Variants in JPH2 observed in about 807,000 individuals in gnomAD.
JPH2 encodes junctophilin-2.
Under a neutral mutation model 55.9 loss-of-function variants are expected in JPH2, and 38 were observed. The ratio of observed to expected loss-of-function variants is 0.68; its 90% CI spans 0.52 to 0.89. JPH2 has a LOEUF of 0.89. JPH2 is among the 40% of genes least tolerant of loss of function. The pLI is 0.00. For synonymous variants in JPH2, 480 were observed against 472.4 expected, an observed-to-expected ratio of 1.02 and a Z score of -0.21; for missense variants, 964 against 1,037.6, an observed-to-expected ratio of 0.93 and a Z score of 0.97.
chr20:44,146,301 G>A (rs1198969218), intron 2 of JPH2, among the ~76,000 whole-genome samples: 6 of 152,060 alleles, frequency 3.9e-5, no homozygotes, highest in Admixed American at 2.0e-4. Context: ...CCAGAGTACT[G>A]GGATTCCAGG....
intron 2 of JPH2, among the ~76,000 whole-genome samples, chr20:44,128,846 C>A (rs1024670839): frequency 6.6e-6 from 1 of 152,106 alleles, no homozygotes; most frequent in African/African-American, 2.4e-5. Context: ...GTCACAGTAC[C>A]CGGTTAACAT....
At chr20:44,184,793 C>T (rs1340640753) in intron 1 of JPH2, among the ~76,000 whole-genome samples, 5 of 152,342 alleles carry the variant, frequency 3.3e-5, no homozygotes, top group South Asian at 2.1e-4. Context: ...ACAAACGTAA[C>T]TGTCCTGTCG....
chr20:44,180,580 G>T (rs1284801076), intron 1 of JPH2, among the ~76,000 whole-genome samples: 1 of 152,072 alleles, frequency 6.6e-6, no homozygotes, highest in Admixed American at 6.5e-5. Context: ...CCAGCAATCT[G>T]CCCACCTTGG....
chr20:44,146,135 G>A lies in JPH2; in HGVS notation c.1169+13483C>T, dbSNP rs183014368. Among the ~76,000 whole-genome samples, 64 of 151,424 alleles carry A rather than the reference G, an allele frequency of 4.2e-4. 2 individuals carry two copies. The East Asian group carries it at 0.012, about 29-fold the overall frequency. On this transcript the variant is annotated intron_variant, in intron 2 of 5. Transcript: ENST00000372980. ...TGCAAGCTCCGCCTCCCGGGTTCAC[G>A]CCATTCTCCTGCCTCAGCCTCCCCA...
At chr20:44,168,366 A>G (rs772225453) in intron 1 of JPH2, among the ~76,000 whole-genome samples, 1 of 142,538 alleles carries the variant, frequency 7.0e-6, no homozygotes, top group Non-Finnish European at 1.6e-5. Context: ...TTTACACACA[A>G]AAAAAATATT....
chr20:44,123,698 C>T (rs1029794454), intron 2 of JPH2, among the ~76,000 whole-genome samples: 1 of 152,144 alleles, frequency 6.6e-6, no homozygotes, highest in Non-Finnish European at 1.5e-5. Flanking sequence ...CTTCATCACC[C>T]GGAAGCTCAG....
chr20:44,132,347 G>GACACACACACACACACAC (rs1440487442), intron 2 of JPH2, among the ~76,000 whole-genome samples: 1 of 88,786 alleles, frequency 1.1e-5, no homozygotes, highest in African/African-American at 5.9e-5. Flanking sequence ...AAGGGAGGCA[G>GACACACACACACACACAC]ACAGACAGAC....
At chr20:44,182,566 G>C (rs971904723) in intron 1 of JPH2, among the ~76,000 whole-genome samples, 1 of 152,150 alleles carries the variant, frequency 6.6e-6, no homozygotes, top group African/African-American at 2.4e-5. Context: ...TGGCATTCTT[G>C]CTGTTCTTCA....
At chr20:44,148,393 C>A (rs1226247161) in intron 2 of JPH2, among the ~76,000 whole-genome samples, 4 of 152,140 alleles carry the variant, frequency 2.6e-5, no homozygotes, top group Non-Finnish European at 4.4e-5. Flanking sequence ...GGGTCAGCCC[C>A]CATGTCTCCT....
rs886433749 is a variant in JPH2, at chr20:44,108,205, T to C, written c.*5313A>G. Among the ~76,000 whole-genome samples the C allele has an allele frequency of 6.6e-6, 1 of 152,206 alleles. No homozygotes were observed. The highest frequency in any genetic ancestry group is 1.5e-5 in the Non-Finnish European group (1 of 68,024). On this transcript the variant is annotated 3_prime_UTR_variant, in exon 6 of 6. Coordinates refer to ENST00000372980, the MANE Select transcript of JPH2 (RefSeq NM_020433.5). Reference sequence around the variant, plus strand: ...TTGTCATACTGTTACTTATCAATGCTGGCAAGGTAACAGATACCGAGGACA... The same window carrying C: ...TTGTCATACTGTTACTTATCAATGCCGGCAAGGTAACAGATACCGAGGACA...
Position 44,106,747 on chromosome 20 carries a change from G to A in JPH2, c.*6771C>T, listed in dbSNP as rs543075599. Reference sequence around the variant, plus strand: ...AGTAACTCCTCTTTTTAAAATCATCGATCTCATGAGACTTATTCACTACCA... The same window carrying A: ...AGTAACTCCTCTTTTTAAAATCATCAATCTCATGAGACTTATTCACTACCA... On this transcript the variant is annotated 3_prime_UTR_variant, in exon 6 of 6. Coordinates refer to ENST00000372980, the MANE Select transcript of JPH2 (RefSeq NM_020433.5). 4.6e-5 allele frequency among the ~76,000 whole-genome samples: 7 copies of A among 151,980 alleles called. No homozygotes were observed. In the East Asian group the frequency reaches 9.7e-4, roughly 21 times the overall value.
At chr20:44,134,680 AAATATT>A (rs1488565305) in intron 2 of JPH2, among the ~76,000 whole-genome samples, 7 of 13,208 alleles carry the variant, frequency 5.3e-4, no homozygotes, top group Admixed American at 2.1e-3. Context: ...ATATATTTAT[AAATATT>A]ATAAATATAT....
At chr20:44,144,902 T>G (rs540367353) in intron 2 of JPH2, among the ~76,000 whole-genome samples, 1 of 151,946 alleles carries the variant, frequency 6.6e-6, no homozygotes, top group East Asian at 1.9e-4. Context: ...CACTGCACAT[T>G]TATCAACACC....
Position 44,186,648 on chromosome 20 carries a change from C to T in JPH2, c.58G>A (p.Gly20Arg), listed in dbSNP as rs988100071. The T allele has an allele frequency of 6.2e-7, 1 of 1,608,574 alleles. No individual in the cohort carries two copies. The highest frequency in any genetic ancestry group is 8.5e-7 in the Non-Finnish European group (1 of 1,179,716). ...AGTCCATGCCCATGGGCCTTTCCCC[C>T]CTCCCAGCCCCCGCAGTACGCCCCT... ...DGGAYCGGWE[G>R]GKAHGHGLCT... Residue 20 changes from glycine to arginine, a missense_variant, in exon 1 of 6, where the codon GGG becomes AGG. Coordinates refer to ENST00000372980, the MANE Select transcript of JPH2 (RefSeq NM_020433.5).
intron 1 of JPH2, among the ~76,000 whole-genome samples, chr20:44,173,383 A>G (rs545318524): frequency 1.3e-4 from 20 of 152,224 alleles, no homozygotes; most frequent in African/African-American, 4.8e-4. Context: ...AAACTGCCTC[A>G]GTATAAAAAA....
intron 2 of JPH2, among the ~76,000 whole-genome samples, chr20:44,144,473 AG>A (rs2145866171): frequency 6.6e-6 from 1 of 152,276 alleles, no homozygotes; most frequent in South Asian, 2.1e-4. Flanking sequence ...AGACGAGGAA[AG>A]GGAGGCTTAG....
At position 44,115,906 on chromosome 20, in the gene JPH2, G is replaced by C. The variant is rs1327928086; in HGVS notation, c.1769C>G (p.Ser590Cys). 1 of 1,574,450 alleles carries C rather than the reference G, an allele frequency of 6.4e-7. No homozygotes were observed. Among genetic ancestry groups the C allele is most frequent in the Non-Finnish European group, 8.6e-7 (1 of 1,166,610 alleles). The part of the protein sequence containing the change: ...PFEDQPEPEV[S>C]GSESAPSSPA... ...GGACGAGGGCGCGGACTCGGACCCG[G>C]AGACCTCGGGCTCGGGCTGGTCCTC... The change falls in exon 4 of 6, where the codon TCC becomes TGC. Residue 590 changes from serine (S) to cysteine (C), a missense_variant. Transcript: ENST00000372980.
chr20:44,117,674 G>A (rs1328729353), intron 3 of JPH2, among the ~76,000 whole-genome samples: 2 of 152,164 alleles, frequency 1.3e-5, no homozygotes, highest in East Asian at 3.9e-4. Flanking sequence ...CCACTGACTT[G>A]ATAGACTCTT....
chr20:44,172,500 T>C (rs1445477520), intron 1 of JPH2, among the ~76,000 whole-genome samples: 1 of 148,824 alleles, frequency 6.7e-6, no homozygotes, highest in African/African-American at 2.4e-5. Flanking sequence ...TGTTTTGTTT[T>C]GTTTCGTTTC....
Sources: allele counts gnomAD v4.1 joint callset (sites outside exome capture counted in the v4.1 genomes callset), GRCh38; gene constraint gnomAD v4.1.1; transcripts MANE v1.5; gene names NCBI Gene and HGNC (gene_info 2026-07-23, HGNC 2026-07-21).